The following HOMER2 variants were observed in gnomAD, a reference collection of about 807,000 sequenced individuals.
The protein encoded by HOMER2 is homer protein homolog 2.
In HOMER2, 27 loss-of-function variants were observed where a neutral mutation model predicts 47.0. The observed-to-expected ratio is 0.57, with a 90% CI of 0.42 to 0.79. HOMER2 has a LOEUF of 0.79. HOMER2 is among the 30% of genes least tolerant of loss of function. The probability of loss-of-function intolerance (pLI) is 0.00; values close to 1 mark genes in which losing one functional copy is unlikely to be tolerated. For synonymous variants in HOMER2, 161 were observed against 163.8 expected, an observed-to-expected ratio of 0.98 and a Z score of 0.13; for missense variants, 443 against 435.0, an observed-to-expected ratio of 1.02 and a Z score of -0.16.
chr15:82,909,702 A>G (rs548226060), intron 1 of HOMER2, among the ~76,000 whole-genome samples: 6 of 152,342 alleles, frequency 3.9e-5, no homozygotes, highest in Admixed American at 1.3e-4. Flanking sequence ...ACATACTGAC[A>G]TATTGGCTCT....
intron 2 of HOMER2, among the ~76,000 whole-genome samples, chr15:82,892,177 A>C (rs1369336277): frequency 6.6e-6 from 1 of 152,182 alleles, no homozygotes; most frequent in Non-Finnish European, 1.5e-5. Context: ...TAGATACAAT[A>C]CCCAATGCTG....
chr15:82,869,847 A>G (rs1302336933), intron 3 of HOMER2, among the ~76,000 whole-genome samples: 2 of 151,926 alleles, frequency 1.3e-5, no homozygotes, highest in Non-Finnish European at 1.5e-5. Flanking sequence ...GGGCTTTTAA[A>G]TTTTTTTTAT....
intron 1 of HOMER2, among the ~76,000 whole-genome samples, chr15:82,965,629 A>T (rs868052964): frequency 5.9e-5 from 9 of 152,076 alleles, no homozygotes; most frequent in Non-Finnish European, 1.2e-4. Flanking sequence ...ACTTCCCTGT[A>T]CCTCAAGTTC....
At chr15:82,844,862 AC>A (rs1167336440), downstream of HOMER2, 1 of 152,218 alleles carries the variant, frequency 6.6e-6, no homozygotes, top group African/African-American at 2.4e-5. Context: ...TAAAAGCAGT[AC>A]AAGAGGGTAA....
intron 1 of HOMER2, among the ~76,000 whole-genome samples, chr15:82,911,697 G>C (rs1420005392): frequency 6.6e-6 from 1 of 152,182 alleles, no homozygotes; most frequent in Admixed American, 6.5e-5. Flanking sequence ...GTATAGAGTT[G>C]CCAGATTTGG....
chr15:82,903,176 C>G (rs751825712), intron 1 of HOMER2, among the ~76,000 whole-genome samples: 9 of 152,174 alleles, frequency 5.9e-5, no homozygotes. Flanking sequence ...TCGCAATCAT[C>G]CAGGCACCTG....
intron 1 of HOMER2, among the ~76,000 whole-genome samples, chr15:82,923,825 T>A (rs1344677806): frequency 6.6e-6 from 1 of 152,162 alleles, no homozygotes; most frequent in East Asian, 1.9e-4. Context: ...ACCTCCTTCA[T>A]TTTCCCCAGT....
At chr15:82,951,207 G>GT (rs1324038789) in intron 1 of HOMER2, among the ~76,000 whole-genome samples, 1 of 152,126 alleles carries the variant, frequency 6.6e-6, no homozygotes, top group African/African-American at 2.4e-5. Context: ...TCTCCTAAAT[G>GT]TAAGCACACT....
intron 1 of HOMER2, among the ~76,000 whole-genome samples, chr15:82,936,849 G>C (rs981934812): frequency 4.6e-5 from 7 of 151,926 alleles, no homozygotes; most frequent in Non-Finnish European, 8.8e-5. Context: ...CACCATGCCT[G>C]GCCAGCTCTC....
At position 82,852,053 on chromosome 15, in the gene HOMER2, C is replaced by T. The variant is rs1043111275; in HGVS notation, c.762+89G>A. On this transcript the variant is annotated intron_variant, in intron 7 of 8. Transcript: ENST00000450735. The stretch of plus-strand genomic sequence containing the variant: ...GCTGCTATCCAGGCAGCTGCCAGGG[C>T]CAGTCATAGGCCCCAAGACACCTGC... The T allele has an allele frequency of 6.9e-5, 56 of 810,754 alleles. No individual in the cohort carries two copies. The African/African-American group carries it at 9.2e-4, about 13-fold the overall frequency. 50.2% of individuals were successfully genotyped at this position (810,754 alleles called of 1,614,324 possible). A position where few individuals can be genotyped will look rare whatever the true frequency, so the allele number is the denominator to read the frequency against.
Position 82,941,495 on chromosome 15 carries a change from C to CA in HOMER2, c.5+11035dup, listed in dbSNP as rs527799861. On this transcript the variant is annotated intron_variant, in intron 1 of 8. Transcript: ENST00000450735. ...CTAAAACAAGCATTATTCTTCTCTT[C>CA]AAAACTGAAAATGTTCCCTTACTGC... Among the ~76,000 whole-genome samples the CA allele has an allele frequency of 9.4e-4, 140 of 148,220 alleles. 1 individual carries two copies. Among genetic ancestry groups the CA allele is most frequent in the African/African-American group, 3.3e-3 (133 of 40,296 alleles).
chr15:82,836,426 GT>G (rs1456531318), downstream of HOMER2, among the ~76,000 whole-genome samples: 1 of 152,204 alleles, frequency 6.6e-6, no homozygotes, highest in Admixed American at 6.5e-5. Context: ...CCTGCCACAG[GT>G]TTTAGTCCAG....
At chr15:82,912,733 A>G (rs2053484039) in intron 1 of HOMER2, among the ~76,000 whole-genome samples, 1 of 152,224 alleles carries the variant, frequency 6.6e-6, no homozygotes, top group Admixed American at 6.5e-5. Context: ...CAATTTGTGC[A>G]CATTCTCACC....
intron 1 of HOMER2, among the ~76,000 whole-genome samples, chr15:82,912,266 C>A (rs62011735): frequency 0.21 from 31,687 of 152,102 alleles, 3,724 homozygotes; most frequent in Non-Finnish European, 0.25. Flanking sequence ...CAGCCCCTAG[C>A]AACCACTAAC....
At chr15:82,860,705 G>C (rs1049336285) in intron 4 of HOMER2, among the ~76,000 whole-genome samples, 10 of 152,152 alleles carry the variant, frequency 6.6e-5, no homozygotes, top group Admixed American at 6.5e-4. Flanking sequence ...GGGAGGCCAA[G>C]GTAGGCAGAT....
At chr15:82,983,703 C>A (rs2030476432) in intron 1 of HOMER2, among the ~76,000 whole-genome samples, 1 of 151,988 alleles carries the variant, frequency 6.6e-6, no homozygotes. Context: ...ATCCTCCCTG[C>A]CTCAGCTTCC....
chr15:82,842,045 A>G (rs1172719512), exon 2 of HOMER2: 3 of 152,214 alleles, frequency 2.0e-5, no homozygotes, highest in Non-Finnish European at 4.4e-5. Flanking sequence ...CACTTACATA[A>G]GTCTAATGTT....
chr15:82,973,850 G>A (rs2030100056), intron 1 of HOMER2, among the ~76,000 whole-genome samples: 1 of 152,130 alleles, frequency 6.6e-6, no homozygotes, highest in African/African-American at 2.4e-5. Flanking sequence ...CGGATCACAT[G>A]AGGCCAGAAG....
chr15:82,922,647 T>C (rs1183571962), intron 1 of HOMER2, among the ~76,000 whole-genome samples: 1 of 152,064 alleles, frequency 6.6e-6, no homozygotes, highest in East Asian at 1.9e-4. Context: ...TTATGCTTGA[T>C]TCCCTTGTAC....
Sources: gnomAD v4.1 joint callset for allele counts (sites outside exome capture counted in the v4.1 genomes callset) on GRCh38, gnomAD v4.1.1 for gene constraint, MANE v1.5 for transcripts, NCBI Gene and HGNC (gene_info 2026-07-23, HGNC 2026-07-21) for gene names.